Variants in COL5A3 observed in about 807,000 individuals in gnomAD.
COL5A3 encodes collagen alpha-3(V) chain.
In COL5A3, 172 loss-of-function variants were observed where a neutral mutation model predicts 250.0. The ratio of observed to expected loss-of-function variants is 0.69; its 90% CI spans 0.61 to 0.78. The LOEUF is 0.78. Among genes scored for constraint, COL5A3 ranks in the 30% least tolerant of loss-of-function variants. The pLI is 0.00. For synonymous variants in COL5A3, 937 were observed against 900.4 expected (o/e 1.04, Z -0.73); for missense variants, 2,340 against 2,334.4 (o/e 1.00, Z -0.05).
At chr19:10,007,463 C>T (rs542596816) in intron 1 of COL5A3, among the ~76,000 whole-genome samples, 1 of 152,368 alleles carries the variant, frequency 6.6e-6, no homozygotes, top group Non-Finnish European at 1.5e-5. Context: ...GCTACCAGCC[C>T]CACCCCAGCA....
In COL5A3 at chr19:9,960,812, G is replaced by A. The variant is rs769170882; in HGVS notation, c.4930C>T (p.Arg1644Cys). 2.4e-5 allele frequency: 39 copies of A among 1,613,528 alleles called. No homozygotes were observed. Among genetic ancestry groups the A allele is most frequent in the Non-Finnish European group, 2.9e-5 (34 of 1,180,048 alleles). Residue 1644 changes from arginine to cysteine, a missense_variant, in exon 66 of 67, where the codon CGC becomes TGC. Physicochemically the swap from Arg to Cys is radical, Grantham distance 180. Coordinates refer to ENST00000264828, the MANE Select transcript of COL5A3 (RefSeq NM_015719.4). ...TGGCAGGAGTAGGTGAAGTTCTGGC[G>A]AGCTGTGGCACTCAGCAGTTTCAGG... ...NFLKLLSATA[R>C]QNFTYSCQNA...
chr19:9,982,183 C>T (rs2087021413), intron 31 of COL5A3, 65 bp from the exon 32 acceptor site: 2 of 1,114,278 alleles, frequency 1.8e-6, no homozygotes, highest in East Asian at 2.5e-5. Context: ...GAATTGGCCC[C>T]TCATACCATC....
chr19:9,976,511 C>T (rs1435122244), intron 45 of COL5A3, 47 bp downstream of exon 45: 1 of 1,449,152 alleles, frequency 6.9e-7, no homozygotes, highest in Admixed American at 2.4e-5. Context: ...CCCACTATCC[C>T]TCCCTTCAAG....
chr19:9,961,310 T>C (rs1245720090), intron 65 of COL5A3, among the ~76,000 whole-genome samples: 1 of 152,214 alleles, frequency 6.6e-6, no homozygotes, highest in Non-Finnish European at 1.5e-5. Context: ...TTTTGAGCAC[T>C]TGAAATGTGG....
chr19:9,986,223 G>T (rs940723182), intron 30 of COL5A3, 92 bp downstream of exon 30: 7 of 878,886 alleles, frequency 8.0e-6, no homozygotes, highest in Non-Finnish European at 1.0e-5. Flanking sequence ...GCAACCTCCT[G>T]AGGTCGAAGG....
intron 36 of COL5A3, 22 bp downstream of exon 36, chr19:9,979,972 C>T (rs766770051): frequency 1.3e-6 from 2 of 1,580,186 alleles, no homozygotes; most frequent in Non-Finnish European, 1.7e-6. Flanking sequence ...ACCCAACCCC[C>T]AATGAGGGTG....
intron 8 of COL5A3, among the ~76,000 whole-genome samples, chr19:9,999,163 C>CCTT (rs376590741): frequency 1.4e-5 from 2 of 142,206 alleles, no homozygotes; most frequent in Non-Finnish European, 3.0e-5. Context: ...TTCCTTCCTT[C>CCTT]CTTCCTTCCT....
chr19:9,999,136 TTTCCTTCCTTCC>T (rs142456677), intron 8 of COL5A3, among the ~76,000 whole-genome samples: 35,704 of 126,330 alleles, frequency 0.28, 5,067 homozygotes, highest in Middle Eastern at 0.34. Flanking sequence ...CTCTCTCTTT[TTTCCTTCCTTCC>T]TTCCTTCCTT....
At chr19:9,988,126 C>A (rs902564202) in intron 27 of COL5A3, among the ~76,000 whole-genome samples, 1 of 151,988 alleles carries the variant, frequency 6.6e-6, no homozygotes, top group Non-Finnish European at 1.5e-5. Flanking sequence ...TACCACTACT[C>A]GAGAGGCTGA....
At chr19:9,975,845 C>T (rs1419068789) in intron 45 of COL5A3, among the ~76,000 whole-genome samples, 1 of 147,918 alleles carries the variant, frequency 6.8e-6, no homozygotes, top group African/African-American at 2.5e-5. Flanking sequence ...GAGACAAATT[C>T]TAGGGTTGAG....
In COL5A3 at chr19:10,003,699, G is replaced by A; in HGVS notation, c.715C>T (p.Pro239Ser). 6.2e-7 allele frequency: 1 copy of A among 1,614,040 alleles called. No homozygotes were observed. Among genetic ancestry groups the A allele is most frequent in the African/African-American group, 1.3e-5 (1 of 74,964 alleles). ...TTCCGCCGAGGACGAGGGGTTTCTG[G>A]TTCACCCTGGGGAGCCTGGGAGAAG... ...PAATVAPQGE[P>S]ETPRPRRKGK... The change falls in exon 6 of 67, where the codon CCA (proline) becomes TCA (serine). Residue 239 changes from proline (P) to serine (S), a missense_variant. By Grantham distance (74) the Pro-to-Ser change is moderately conservative. This residue lies in a region of COL5A3 where 1,152 missense variants were observed against 1,146.3 expected (regional missense o/e 1.00). Coordinates refer to ENST00000264828, the MANE Select transcript of COL5A3 (RefSeq NM_015719.4).
At chr19:9,988,852 A>G (rs978266031) in intron 27 of COL5A3, among the ~76,000 whole-genome samples, 8 of 101,800 alleles carry the variant, frequency 7.9e-5, no homozygotes, top group South Asian at 2.7e-4. Context: ...AAAAAAAAAA[A>G]AAAAAAGAAA....
chr19:10,006,402 C>T (rs540580683), intron 1 of COL5A3, among the ~76,000 whole-genome samples, 171 bp from the exon 2 acceptor site: 53 of 152,190 alleles, frequency 3.5e-4, no homozygotes, highest in Middle Eastern at 6.8e-3. Flanking sequence ...CAGCACCCCC[C>T]GCCTCCTCAC....
At chr19:9,985,409 C>T (rs2087085135) in intron 31 of COL5A3, among the ~76,000 whole-genome samples, 1 of 150,522 alleles carries the variant, frequency 6.6e-6, no homozygotes, top group Non-Finnish European at 1.5e-5. Flanking sequence ...CACAGGTATG[C>T]ACCACCACAC....
At chr19:9,985,004 A>G (rs1599551471) in intron 31 of COL5A3, among the ~76,000 whole-genome samples, 1 of 132,662 alleles carries the variant, frequency 7.5e-6, no homozygotes, top group African/African-American at 2.9e-5. Context: ...GCTGGAGTTC[A>G]GTGGTGAGAT....
Position 9,968,900 on chromosome 19 carries a change from T to C in COL5A3, c.4153-172A>G. ...ACCAAGGTGGGATGATGAGAGCTAA[T>C]GAGGGGTTGACTGGAGGATGGACAA... is the stretch of plus-strand genomic sequence containing the variant. On this transcript the variant is annotated intron_variant, in intron 57 of 66. Coordinates refer to ENST00000264828, the MANE Select transcript of COL5A3 (RefSeq NM_015719.4). The surrounding 1 kb of genome is among the most constrained non-coding windows in gnomAD (Gnocchi z 4.1). 1 of 670,730 alleles carries C rather than the reference T, an allele frequency of 1.5e-6. No homozygotes were observed. The highest frequency in any genetic ancestry group is 2.6e-6 in the Non-Finnish European group (1 of 383,332). 41.5% of individuals were successfully genotyped at this position (670,730 alleles called of 1,614,324 possible).
At chr19:9,993,199 C>T (rs373033700) in intron 19 of COL5A3, 132 bp from the exon 20 acceptor site, 1 of 1,148,404 alleles carries the variant, frequency 8.7e-7, no homozygotes, top group Non-Finnish European at 1.3e-6. Context: ...AGACTAAGTT[C>T]ATGGGATTCC....
At chr19:9,963,889 CCAG>C in intron 64 of COL5A3, among the ~76,000 whole-genome samples, 1 of 152,096 alleles carries the variant, frequency 6.6e-6, no homozygotes, top group African/African-American at 2.4e-5. Context: ...CAACATGGGG[CCAG>C]GCGCGGTGGC....
intron 10 of COL5A3, among the ~76,000 whole-genome samples, chr19:9,997,772 A>T (rs1009833490): frequency 2.0e-5 from 3 of 152,098 alleles, no homozygotes; most frequent in African/African-American, 7.2e-5. Context: ...TTAAAAAAAT[A>T]TATGGCTATT....
Sources: gnomAD v4.1 joint callset for allele counts (sites outside exome capture counted in the v4.1 genomes callset) on GRCh38, gnomAD v4.1.1 for gene constraint, gnomAD v4.1.1 regional missense constraint, Gnocchi (gnomAD v3.1) non-coding constraint, MANE v1.5 for transcripts, NCBI Gene and HGNC (gene_info 2026-07-23, HGNC 2026-07-21) for gene names.